The following G3BP1 variants were observed in gnomAD, a reference collection of about 807,000 sequenced individuals.
The protein encoded by G3BP1 is G3BP stress granule assembly factor 1.
G3BP1 carries 35 observed loss-of-function variants against 58.6 expected under a neutral mutation model. The observed-to-expected ratio is 0.60, with a 90% CI of 0.46 to 0.79. G3BP1 has a LOEUF of 0.79. G3BP1 is among the 30% of genes least tolerant of loss of function. The pLI, the probability that G3BP1 is intolerant of heterozygous loss-of-function variation, is 0.00. For missense variants in G3BP1, 523 were observed against 580.8 expected, an observed-to-expected ratio of 0.90 and a Z score of 1.02; for synonymous variants, 191 against 195.4, an observed-to-expected ratio of 0.98 and a Z score of 0.19.
chr5:151,786,468 T>C, intron 1 of G3BP1, 104 bp from the exon 2 acceptor site: 1 of 647,308 alleles, frequency 1.5e-6, no homozygotes, highest in Non-Finnish European at 2.8e-6. Context: ...CTGTTTGTTT[T>C]TATGATGTTT....
At chr5:151,779,816 T>C (rs1978710) in intron 1 of G3BP1, among the ~76,000 whole-genome samples, 68,143 of 152,102 alleles carry the variant, frequency 0.45, 15,588 homozygotes, top group African/African-American at 0.53. Context: ...TTCCCTAATG[T>C]GAATAAACCA....
rs1763008424 is a variant in G3BP1 at position 151,810,874 on chromosome 5, G to C, written c.*6783G>C. Reference sequence around the variant, plus strand: ...GGGGGAGGAAGTCACTGGCCAGTTTGAGGTGCTTCCATTGGTCTGGGTAAC... The same window carrying C: ...GGGGGAGGAAGTCACTGGCCAGTTTCAGGTGCTTCCATTGGTCTGGGTAAC... On this transcript the variant is annotated 3_prime_UTR_variant, in exon 12 of 12. Transcript: ENST00000356245. 6.6e-6 allele frequency: 1 copy of C among 152,252 alleles called. No individual in the cohort carries two copies. Among genetic ancestry groups the C allele is most frequent in the Non-Finnish European group, 1.5e-5 (1 of 68,072 alleles). The allele number at this position is 152,252 out of a possible 1,614,324, so 9.4% of individuals were successfully genotyped here.
chr5:151,772,496 T>TG (rs1762288298), intron 1 of G3BP1: 1 of 152,622 alleles, frequency 6.6e-6, no homozygotes, highest in Non-Finnish European at 1.5e-5. Context: ...ATTGGAGTCT[T>TG]GCGGTCCGCG....
At chr5:151,800,670 G>T in intron 10 of G3BP1, 90 bp from the exon 11 acceptor site, 1 of 794,512 alleles carries the variant, frequency 1.3e-6, no homozygotes, top group Non-Finnish European at 2.2e-6. Flanking sequence ...GTAGTCACAT[G>T]CATCTAGTGG....
intron 1 of G3BP1, among the ~76,000 whole-genome samples, chr5:151,785,048 C>T (rs1762534589): frequency 6.6e-6 from 1 of 152,124 alleles, no homozygotes; most frequent in African/African-American, 2.4e-5. Context: ...CCCTAATTTG[C>T]AAAATGATGT....
At chr5:151,782,261 A>C (rs1457758643) in intron 1 of G3BP1, among the ~76,000 whole-genome samples, 1 of 152,184 alleles carries the variant, frequency 6.6e-6, no homozygotes. Flanking sequence ...ACAGCAAGTG[A>C]ATGGTGTTGG....
chr5:151,776,218 A>G (rs370766788), intron 1 of G3BP1, among the ~76,000 whole-genome samples: 24 of 152,340 alleles, frequency 1.6e-4, no homozygotes, highest in African/African-American at 5.8e-4. Flanking sequence ...GGGGAAGAAT[A>G]CCACAGAAAT....
rs1354235530 is a variant in G3BP1 at position 151,810,304 on chromosome 5, C to G, written c.*6213C>G. ...GGTCCACTGAGATCTACAATCCCCC[C>G]TTTCCTCTGATCTCTTGCCATGTAA... On this transcript the variant is annotated 3_prime_UTR_variant, in exon 12 of 12. Coordinates refer to ENST00000356245, the MANE Select transcript of G3BP1 (RefSeq NM_005754.3). 1 of 152,266 alleles carries G rather than the reference C, an allele frequency of 6.6e-6. No individual in the cohort carries two copies. The highest frequency in any genetic ancestry group is 1.5e-5 in the Non-Finnish European group (1 of 68,060). 9.4% of individuals were successfully genotyped at this position (152,266 alleles called of 1,614,324 possible).
At chr5:151,780,740 C>G (rs1762456037) in intron 1 of G3BP1, among the ~76,000 whole-genome samples, 1 of 152,168 alleles carries the variant, frequency 6.6e-6, no homozygotes. Context: ...GTCTCTATCT[C>G]CTGGCCTCAT....
In G3BP1 at chr5:151,804,037, CA is replaced by C. The variant is rs1762903236; in HGVS notation, c.1348del (p.Met450TrpfsTer52). 6.2e-7 allele frequency: 1 copy of C among 1,612,940 alleles called. No homozygotes were observed. ...GGMRGPPRGG[M>X]VQKPGFGVGR... ...GAATGAGAGGCCCTCCCCGTGGAGGCATGGTGCAGAAACCAGGATTTGGAGT... is the reference window on the plus strand; with the variant it reads ...GAATGAGAGGCCCTCCCCGTGGAGGCTGGTGCAGAAACCAGGATTTGGAGT... On this transcript the variant is annotated frameshift_variant, in exon 12 of 12. Coordinates refer to ENST00000356245, the MANE Select transcript of G3BP1 (RefSeq NM_005754.3). LOFTEE classifies it high-confidence loss of function.
chr5:151,791,350 A>G (rs933034673), intron 4 of G3BP1: 7 of 222,152 alleles, frequency 3.2e-5, no homozygotes, highest in African/African-American at 1.6e-4. Flanking sequence ...ATAATCTATA[A>G]TCCATTTTTA....
intron 1 of G3BP1, among the ~76,000 whole-genome samples, chr5:151,779,635 TTAA>T (rs1173210508): frequency 1.3e-5 from 2 of 152,238 alleles, no homozygotes; most frequent in Non-Finnish European, 2.9e-5. Context: ...ATTTTTCTTT[TTAA>T]TAATGTTTTT....
rs1762959200 is a variant in G3BP1, at chr5:151,807,754, A to C, written c.*3663A>C. The C allele has an allele frequency of 6.6e-6, 1 of 152,212 alleles. No homozygotes were observed. Among genetic ancestry groups the C allele is most frequent in the South Asian group, 2.1e-4 (1 of 4,826 alleles). The allele number at this position is 152,212 out of a possible 1,614,324, so 9.4% of individuals were successfully genotyped here. ...CTTGTAGAATTTAACGATTTAATGG[A>C]AAATGTTGCACTTTATAGAAGGCCA... On this transcript the variant is annotated 3_prime_UTR_variant, in exon 12 of 12. Transcript: ENST00000356245.
At chr5:151,800,178 T>C in intron 9 of G3BP1, 40 bp from the exon 10 acceptor site, 1 of 1,602,982 alleles carries the variant, frequency 6.2e-7, no homozygotes, top group Non-Finnish European at 8.5e-7. Context: ...AGATGTCTTC[T>C]TTCTCTTGTC....
chr5:151,784,073 A>G (rs1158098348), intron 1 of G3BP1, among the ~76,000 whole-genome samples: 1 of 151,988 alleles, frequency 6.6e-6, no homozygotes, highest in Non-Finnish European at 1.5e-5. Context: ...ACATTTTTTA[A>G]TTTATTTATA....
rs765421373 is a variant in G3BP1, at chr5:151,792,068, C to T, written c.351+1006C>T. The T allele has an allele frequency of 1.6e-4, 71 of 456,020 alleles. 2 individuals carry two copies. The highest frequency in any genetic ancestry group is 9.8e-4 in the South Asian group (63 of 64,570). The allele number at this position is 456,020 out of a possible 1,614,324, so 28.2% of individuals were successfully genotyped here. A position where few individuals can be genotyped will look rare whatever the true frequency, so the allele number is the denominator to read the frequency against. ...AGGTTCATCTTGCACTGTTCCTGGC[C>T]CAGTCCCTATTCTTGAATCAGCTGT... On this transcript the variant is annotated intron_variant, in intron 4 of 11. Coordinates refer to ENST00000356245, the MANE Select transcript of G3BP1 (RefSeq NM_005754.3).
chr5:151,774,041 C>T (rs1293958884), intron 1 of G3BP1, among the ~76,000 whole-genome samples: 2 of 152,192 alleles, frequency 1.3e-5, no homozygotes, highest in East Asian at 3.8e-4. Context: ...ATTTCACAAA[C>T]TGGTGCTCTA....
In G3BP1 at chr5:151,800,282, C is replaced by T; in HGVS notation, c.1020C>T (p.His340=). ...PRRMVRHPDS[H]QLFIGNLPHE... ...GAATGGTGAGACACCCTGACAGTCA[C>T]CAACTCTTCATTGGCAACCTGCCTC... Residue 340 remains histidine (H), a synonymous_variant, in exon 10 of 12, where the codon CAC becomes CAT. Transcript: ENST00000356245. 3 of 1,612,510 alleles carry T rather than the reference C, an allele frequency of 1.9e-6. No individual in the cohort carries two copies. The highest frequency in any genetic ancestry group is 1.1e-5 in the South Asian group (1 of 91,034).
chr5:151,772,245 G>C (rs1218842142), intron 1 of G3BP1: 2 of 150,450 alleles, frequency 1.3e-5, no homozygotes, highest in Non-Finnish European at 3.0e-5. Context: ...GCTGGGGCGC[G>C]TGGCCGTGTC....
Sources: gnomAD v4.1 joint callset for allele counts (sites outside exome capture counted in the v4.1 genomes callset) on GRCh38, gnomAD v4.1.1 for gene constraint, MANE v1.5 for transcripts, NCBI Gene and HGNC (gene_info 2026-07-23, HGNC 2026-07-21) for gene names.